The following KHDRBS2 variants were observed in gnomAD, a reference collection of about 807,000 sequenced individuals.
The protein encoded by KHDRBS2 is KH domain-containing, RNA-binding, signal transduction-associated protein 2.
Under a neutral mutation model 44.3 loss-of-function variants are expected in KHDRBS2, and 26 were observed. That is an observed-to-expected ratio of 0.59 (90% CI 0.43 to 0.81). The LOEUF (loss-of-function observed/expected upper bound fraction) is 0.81, where lower values mean the gene tolerates loss of function less well. KHDRBS2 is among the 40% of genes least tolerant of loss of function. KHDRBS2 has a pLI of 0.00. For missense variants in KHDRBS2, 476 were observed against 433.1 expected (o/e 1.10, Z -0.88); for synonymous variants, 194 against 151.1 (o/e 1.28, Z -2.08).
rs1218019826 is a variant in KHDRBS2, at chr6:61,697,204, C to T, written c.943G>A (p.Asp315Asn). ...YGHGVSEDAY[D>N]SYAPEEWATT... ...AAAGAAAAGGTCTTACCGTAGCTGT[C>T]ATAGGCATCCTCACTTACTCCATGA... The change falls in exon 8 of 9, where the codon GAC becomes AAC. Residue 315 changes from aspartate to asparagine, a missense_variant. Coordinates refer to ENST00000281156, the MANE Select transcript of KHDRBS2 (RefSeq NM_152688.4). The T allele has an allele frequency of 1.2e-6, 2 of 1,606,252 alleles. No individual in the cohort carries two copies. The highest frequency in any genetic ancestry group is 2.2e-5 in the East Asian group (1 of 44,782).
At chr6:62,098,247 T>G (rs1167975248) in intron 2 of KHDRBS2, among the ~76,000 whole-genome samples, 1 of 125,960 alleles carries the variant, frequency 7.9e-6, no homozygotes, top group East Asian at 2.1e-4. Flanking sequence ...TTCAAACGTT[T>G]TTTTTTTTTT....
At chr6:61,924,108 G>A (rs1808538180) in intron 4 of KHDRBS2, among the ~76,000 whole-genome samples, 1 of 152,012 alleles carries the variant, frequency 6.6e-6, no homozygotes, top group African/African-American at 2.4e-5. Flanking sequence ...CTTCTACACT[G>A]AAAATTAGAA....
At chr6:62,242,415 C>G (rs1563122732) in intron 1 of KHDRBS2, among the ~76,000 whole-genome samples, 1 of 152,066 alleles carries the variant, frequency 6.6e-6, no homozygotes, top group Non-Finnish European at 1.5e-5. Flanking sequence ...GTGGTGGTTA[C>G]TCTGCACATT....
At chr6:61,686,842 TATAATTAGTATTAATTATATA>T (rs1561969680) in intron 8 of KHDRBS2, among the ~76,000 whole-genome samples, 1 of 151,376 alleles carries the variant, frequency 6.6e-6, no homozygotes, top group Non-Finnish European at 1.5e-5. Flanking sequence ...CCTTAAATTA[TATAATTAGTATTAATTATATA>T]ATAATTAGTG....
the KHDRBS2 span, among the ~76,000 whole-genome samples, chr6:61,580,349 G>A: frequency 6.6e-6 from 1 of 152,246 alleles, no homozygotes; most frequent in East Asian, 1.9e-4. Context: ...GCAACAATCA[G>A]CACTCTGTAA....
chr6:61,829,483 G>C (rs1791455588), intron 6 of KHDRBS2, among the ~76,000 whole-genome samples: 1 of 151,972 alleles, frequency 6.6e-6, no homozygotes, highest in Non-Finnish European at 1.5e-5. Context: ...ATTTTAAGGA[G>C]ATTGCTTTGT....
intron 6 of KHDRBS2, among the ~76,000 whole-genome samples, chr6:61,819,626 G>A (rs1420538761): frequency 2.6e-5 from 4 of 151,872 alleles, no homozygotes; most frequent in Middle Eastern, 3.4e-3. Context: ...TCCCAAATAG[G>A]GCCTTACATT....
At chr6:61,564,831 C>A in the KHDRBS2 span, among the ~76,000 whole-genome samples, 3 of 151,984 alleles carry the variant, frequency 2.0e-5, no homozygotes, top group African/African-American at 7.2e-5. Context: ...TTCTTAATGG[C>A]CAAAGCAATC....
intron 6 of KHDRBS2, among the ~76,000 whole-genome samples, chr6:61,797,163 A>G: frequency 6.6e-6 from 1 of 152,258 alleles, no homozygotes; most frequent in East Asian, 1.9e-4. Flanking sequence ...GACCACAAAA[A>G]GGAGGAAAGC....
At chr6:62,124,469 C>A (rs1808467021) in intron 2 of KHDRBS2, among the ~76,000 whole-genome samples, 1 of 152,088 alleles carries the variant, frequency 6.6e-6, no homozygotes, top group Admixed American at 6.5e-5. Context: ...ATCATGCAAA[C>A]CTGTTTTGTG....
At chr6:61,797,786 T>C (rs1785614592) in intron 6 of KHDRBS2, among the ~76,000 whole-genome samples, 1 of 151,384 alleles carries the variant, frequency 6.6e-6, no homozygotes, top group African/African-American at 2.4e-5. Flanking sequence ...TCGTATATAA[T>C]TTATATATTA....
intron 6 of KHDRBS2, among the ~76,000 whole-genome samples, chr6:61,743,542 CAT>C (rs1240162538): frequency 6.6e-6 from 1 of 151,862 alleles, no homozygotes; most frequent in African/African-American, 2.4e-5. Flanking sequence ...CCTGTTAAAA[CAT>C]GTACTGAAGA....
chr6:62,129,467 TG>T lies in KHDRBS2; in HGVS notation c.219+47717del, dbSNP rs563725708. Among the ~76,000 whole-genome samples, 450 of 152,130 alleles carry T rather than the reference TG, an allele frequency of 3.0e-3. 2 individuals carry two copies. The highest frequency in any genetic ancestry group is 6.0e-3 in the South Asian group (29 of 4,812). On this transcript the variant is annotated intron_variant, in intron 2 of 8. Transcript: ENST00000281156. Reference sequence around the variant, plus strand: ...AAATGCAACTATATTTTTGGTAGAGTGGGTTAAATTAAAATAGCAATAAAAC... The same window carrying T: ...AAATGCAACTATATTTTTGGTAGAGTGGTTAAATTAAAATAGCAATAAAAC...
At chr6:62,248,228 A>G (rs1286996422) in intron 1 of KHDRBS2, among the ~76,000 whole-genome samples, 1 of 152,034 alleles carries the variant, frequency 6.6e-6, no homozygotes, top group Non-Finnish European at 1.5e-5. Flanking sequence ...AGAGACAGTT[A>G]CTAACACAAG....
intron 8 of KHDRBS2, among the ~76,000 whole-genome samples, chr6:61,684,399 C>G (rs1766608672): frequency 6.6e-6 from 1 of 151,816 alleles, no homozygotes; most frequent in South Asian, 2.1e-4. Context: ...CTGGGTTCCT[C>G]ATGATGGGAG....
At chr6:61,918,542 G>A (rs1807449954) in intron 4 of KHDRBS2, among the ~76,000 whole-genome samples, 1 of 151,852 alleles carries the variant, frequency 6.6e-6, no homozygotes, top group African/African-American at 2.4e-5. Flanking sequence ...TAAAATCACA[G>A]TGAAAAGGTG....
intron 3 of KHDRBS2, among the ~76,000 whole-genome samples, chr6:62,034,715 A>C (rs1784964464): frequency 6.6e-6 from 1 of 151,096 alleles, no homozygotes; most frequent in Non-Finnish European, 1.5e-5. Flanking sequence ...AAAAAAAAAA[A>C]ACCTTTCTCC....
chr6:62,153,943 C>T (rs900274174), intron 2 of KHDRBS2, among the ~76,000 whole-genome samples: 5 of 152,160 alleles, frequency 3.3e-5, no homozygotes, highest in African/African-American at 1.2e-4. Context: ...ATCCTGGAGT[C>T]ACAAAATAGG....
chr6:61,625,543 G>A, the KHDRBS2 span, among the ~76,000 whole-genome samples: 1 of 151,974 alleles, frequency 6.6e-6, no homozygotes, highest in East Asian at 1.9e-4. Context: ...CCCAGGAATA[G>A]CCTGAGGACA....
Sources: gnomAD v4.1 joint callset for allele counts (sites outside exome capture counted in the v4.1 genomes callset) on GRCh38, gnomAD v4.1.1 for gene constraint, MANE v1.5 for transcripts, NCBI Gene and HGNC (gene_info 2026-07-23, HGNC 2026-07-21) for gene names.